The following ATG4B variants were observed in gnomAD, a reference collection of about 807,000 sequenced individuals.
ATG4B encodes the protein cysteine protease ATG4B.
Under a neutral mutation model 56.6 loss-of-function variants are expected in ATG4B, and 29 were observed. That is an observed-to-expected ratio of 0.51 (90% CI 0.38 to 0.70). The LOEUF (loss-of-function observed/expected upper bound fraction) is 0.70. ATG4B is among the 30% of genes least tolerant of loss of function. The pLI is 0.00. For synonymous variants in ATG4B, 224 were observed against 206.1 expected (o/e 1.09, Z -0.74); for missense variants, 461 against 515.5 (o/e 0.89, Z 1.02).
At chr2:241,655,790 G>A (rs2068380500) in intron 6 of ATG4B, among the ~76,000 whole-genome samples, 3 of 152,178 alleles carry the variant, frequency 2.0e-5, no homozygotes, top group Admixed American at 2.0e-4. Context: ...GTCTGAAAGT[G>A]TGCTCTGCAC....
chr2:241,638,031 C>T (rs1284253999), intron 1 of ATG4B, among the ~76,000 whole-genome samples: 2 of 151,526 alleles, frequency 1.3e-5, no homozygotes, highest in Non-Finnish European at 2.9e-5. Flanking sequence ...GCCAGGTCGG[C>T]CGTGGAGGGC....
chr2:241,637,973 C>T (rs934958335), intron 1 of ATG4B, among the ~76,000 whole-genome samples: 2 of 151,632 alleles, frequency 1.3e-5, no homozygotes, highest in Non-Finnish European at 2.9e-5. Flanking sequence ...TCTGCTTTTC[C>T]GGTCCCGTCC....
Position 241,666,785 on chromosome 2 carries a change from C to A in ATG4B, c.679C>A (p.Pro227Thr). ...SPWRPLVLLI[P>T]LRLGLTDINE... Reference sequence around the variant, plus strand: ...ATGGAGACCCCTGGTACTTCTCATTCCCCTGCGCCTGGGGCTCACGGACAT... The same window carrying A: ...ATGGAGACCCCTGGTACTTCTCATTACCCTGCGCCTGGGGCTCACGGACAT... Residue 227 changes from proline to threonine, a missense_variant, in exon 8 of 13, where the codon CCC (proline) becomes ACC (threonine). Coordinates refer to ENST00000404914, the MANE Select transcript of ATG4B (RefSeq NM_013325.5). 6.3e-7 allele frequency: 1 copy of A among 1,588,380 alleles called. No homozygotes were observed. Among genetic ancestry groups the A allele is most frequent in the Non-Finnish European group, 8.6e-7 (1 of 1,167,252 alleles).
At chr2:241,659,297 A>G (rs1018288190) in intron 7 of ATG4B, 110 bp downstream of exon 7, 2 of 979,194 alleles carry the variant, frequency 2.0e-6, no homozygotes, top group Non-Finnish European at 3.2e-6. Flanking sequence ...CAGTCGCCCC[A>G]TGCCGTGCAG....
intron 7 of ATG4B, among the ~76,000 whole-genome samples, chr2:241,664,460 C>G (rs1026272893): frequency 6.6e-6 from 1 of 152,102 alleles, no homozygotes; most frequent in African/African-American, 2.4e-5. Flanking sequence ...ATCCCATGAG[C>G]CTGGGAGGTT....
At chr2:241,661,754 C>G (rs1056636178) in intron 7 of ATG4B, among the ~76,000 whole-genome samples, 1 of 151,800 alleles carries the variant, frequency 6.6e-6, no homozygotes, top group South Asian at 2.1e-4. Flanking sequence ...CCAACCCATC[C>G]CCCCCGCAAC....
At chr2:241,652,112 C>T (rs1328270298) in intron 3 of ATG4B, 12 of 426,124 alleles carry the variant, frequency 2.8e-5, no homozygotes, top group East Asian at 1.4e-4. Flanking sequence ...AGAACACTGA[C>T]GCGTAGGGAC....
At chr2:241,659,393 A>G (rs1398385631) in intron 7 of ATG4B, 2 of 656,372 alleles carry the variant, frequency 3.0e-6, no homozygotes, top group East Asian at 3.0e-5. Flanking sequence ...AGGAGAGCCC[A>G]GGCTGTCTGG....
chr2:241,655,058 C>G, intron 5 of ATG4B: 1 of 596,340 alleles, frequency 1.7e-6, no homozygotes, highest in Non-Finnish European at 3.0e-6. Flanking sequence ...CCCTTCATTT[C>G]CCCTCCTTTT....
At chr2:241,666,531 G>C in intron 7 of ATG4B, 114 bp from the exon 8 acceptor site, 2 of 1,101,194 alleles carry the variant, frequency 1.8e-6, no homozygotes, top group South Asian at 2.7e-5. Flanking sequence ...TTCACTGTAA[G>C]CACCTGGCTT....
intron 3 of ATG4B, among the ~76,000 whole-genome samples, chr2:241,652,348 C>T (rs766711977): frequency 2.0e-5 from 3 of 152,232 alleles, no homozygotes; most frequent in Non-Finnish European, 4.4e-5. Context: ...TTCACAGCTA[C>T]CCTGCCGCGT....
intron 1 of ATG4B, among the ~76,000 whole-genome samples, chr2:241,648,877 G>A (rs1330698815): frequency 3.3e-5 from 5 of 152,194 alleles, no homozygotes; most frequent in Non-Finnish European, 7.3e-5. Flanking sequence ...AATTAGCTGC[G>A]CATACAATTA....
intron 7 of ATG4B, among the ~76,000 whole-genome samples, chr2:241,660,323 C>A (rs1436262774): frequency 6.6e-6 from 1 of 152,230 alleles, no homozygotes; most frequent in African/African-American, 2.4e-5. Context: ...CACAGACACG[C>A]CCCTTCCCTG....
At chr2:241,670,174 G>A (rs1284753606) in intron 10 of ATG4B, among the ~76,000 whole-genome samples, 2 of 152,232 alleles carry the variant, frequency 1.3e-5, no homozygotes, top group Non-Finnish European at 2.9e-5. Flanking sequence ...GCATCTGGCA[G>A]CGTTGAGAAT....
At chr2:241,652,019 G>A in intron 3 of ATG4B, 1 of 1,276,732 alleles carries the variant, frequency 7.8e-7, no homozygotes, top group Non-Finnish European at 1.0e-6. Context: ...CCAGGTCAGG[G>A]TTTGGTCCCT....
At chr2:241,647,601 C>T (rs1340112657) in intron 1 of ATG4B, among the ~76,000 whole-genome samples, 3 of 123,992 alleles carry the variant, frequency 2.4e-5, no homozygotes, top group East Asian at 4.9e-4. Context: ...GCCTGGTGGG[C>T]GACAGAGTGA....
intron 7 of ATG4B, among the ~76,000 whole-genome samples, chr2:241,666,027 G>A (rs985094841): frequency 6.6e-6 from 1 of 152,226 alleles, no homozygotes; most frequent in African/African-American, 2.4e-5. Context: ...TATGTTTTGA[G>A]CCCTCCCTTA....
intron 1 of ATG4B, among the ~76,000 whole-genome samples, chr2:241,640,710 G>T (rs550569646): frequency 6.6e-6 from 1 of 152,328 alleles, no homozygotes; most frequent in East Asian, 1.9e-4. Context: ...CACTCTGAAG[G>T]TTTAAGTTTT....
At chr2:241,649,847 A>G (rs1575065297) in intron 1 of ATG4B, among the ~76,000 whole-genome samples, 1 of 147,448 alleles carries the variant, frequency 6.8e-6, no homozygotes, top group African/African-American at 2.5e-5. Context: ...GCAGTGGCAC[A>G]ATCTCAGCTC....
Sources: allele counts gnomAD v4.1 joint callset (sites outside exome capture counted in the v4.1 genomes callset), GRCh38; gene constraint gnomAD v4.1.1; transcripts MANE v1.5; gene names NCBI Gene and HGNC (gene_info 2026-07-23, HGNC 2026-07-21).